Variants in PCDHGA5 observed in about 807,000 individuals in gnomAD.
PCDHGA5 encodes protocadherin gamma subfamily A, 5.
PCDHGA5 carries 36 observed loss-of-function variants against 56.7 expected under a neutral mutation model. The observed-to-expected ratio is 0.64, with a 90% CI of 0.49 to 0.84. The LOEUF (loss-of-function observed/expected upper bound fraction) is 0.84. Ranked by LOEUF, PCDHGA5 falls within the 40% of genes least tolerant of loss-of-function variation. The pLI is 0.00. For missense variants in PCDHGA5, 1,305 were observed against 1,201.5 expected (o/e 1.09, Z -1.27); for synonymous variants, 563 against 520.2 (o/e 1.08, Z -1.12).
In PCDHGA5 at chr5:141,491,722, C is replaced by T. The variant is rs1276921909; in HGVS notation, c.2422-3085C>T. ...CCAGGTGAGGGGCTCGGCGCCGCCC[C>T]GGGCGACCCCTGGGGGCGGCACTGG... On this transcript the variant is annotated intron_variant, in intron 1 of 3. Coordinates refer to ENST00000518069, the MANE Select transcript of PCDHGA5 (RefSeq NM_018918.3). This position sits in a 1 kb window ranked among gnomAD's most constrained non-coding sequence, Gnocchi z 6.9. The T allele has an allele frequency of 6.2e-7, 1 of 1,607,004 alleles. No homozygotes were observed.
intron 1 of PCDHGA5, among the ~76,000 whole-genome samples, chr5:141,445,787 T>C (rs2098477657): frequency 1.3e-5 from 2 of 152,182 alleles, no homozygotes; most frequent in South Asian, 4.1e-4. Context: ...CTAGGGAGGC[T>C]AGAAACAGAA....
intron 1 of PCDHGA5, chr5:141,420,099 C>G: frequency 2.5e-6 from 4 of 1,613,996 alleles, no homozygotes; most frequent in Non-Finnish European, 3.4e-6. Context: ...AGTGAGGGAA[C>G]GTTGCCCTAT....
At chr5:141,371,577 G>C (rs202142331) in intron 1 of PCDHGA5, 2 of 1,613,866 alleles carry the variant, frequency 1.2e-6, no homozygotes, top group Admixed American at 3.3e-5. Flanking sequence ...CTTTAAAATC[G>C]TTCAAGATAC....
At chr5:141,438,589 TAC>T (rs72335471) in intron 1 of PCDHGA5, among the ~76,000 whole-genome samples, 19,881 of 66,350 alleles carry the variant, frequency 0.3, 2,903 homozygotes, top group Admixed American at 0.41. Context: ...CATACATACA[TAC>T]ATATATATAT....
chr5:141,417,627 G>C, intron 1 of PCDHGA5: 1 of 694,264 alleles, frequency 1.4e-6, no homozygotes, highest in Non-Finnish European at 2.3e-6. Flanking sequence ...AGCAAGCGCT[G>C]ACGCCGGGGA....
In PCDHGA5 at chr5:141,430,950, T is replaced by A. The variant is rs756423770; in HGVS notation, c.2422-63857T>A. 7 of 1,609,862 alleles carry A rather than the reference T, an allele frequency of 4.3e-6. No individual in the cohort carries two copies. Among genetic ancestry groups the A allele is most frequent in the Non-Finnish European group, 5.1e-6 (6 of 1,178,368 alleles). On this transcript the variant is annotated intron_variant, in intron 1 of 3. Transcript: ENST00000518069. ...CCCCGGGAGCTCGCGGAGCGCGGAG[T>A]CCGCATCATCCCCAGAGGTAGGACG... is the stretch of plus-strand genomic sequence containing the variant.
rs578223384 is a variant in PCDHGA5 at position 141,400,070 on chromosome 5, C to T, written c.2421+33319C>T. Reference sequence around the variant, plus strand: ...GTTGCTGTGCGTGATGGTGGACAGCCGCCACTCTCCGCCACCGCCACGCTG... The same window carrying T: ...GTTGCTGTGCGTGATGGTGGACAGCTGCCACTCTCCGCCACCGCCACGCTG... On this transcript the variant is annotated intron_variant, in intron 1 of 3. Coordinates refer to ENST00000518069, the MANE Select transcript of PCDHGA5 (RefSeq NM_018918.3). 1.2e-6 allele frequency: 2 copies of T among 1,613,922 alleles called. No individual in the cohort carries two copies. Among genetic ancestry groups the T allele is most frequent in the African/African-American group, 1.3e-5 (1 of 75,062 alleles).
chr5:141,508,647 C>T (rs1301017914), intron 3 of PCDHGA5, among the ~76,000 whole-genome samples: 4 of 152,090 alleles, frequency 2.6e-5, no homozygotes, highest in African/African-American at 9.7e-5. Flanking sequence ...CTCCGTCAGG[C>T]CCTTCCTGTC....
rs370190281 is a variant in PCDHGA5, at chr5:141,401,943, A to G, written c.2421+35192A>G. Among the ~76,000 whole-genome samples the G allele has an allele frequency of 3.9e-5, 6 of 152,312 alleles. No homozygotes were observed. In the South Asian group the frequency reaches 1.0e-3, roughly 26 times the overall value. On this transcript the variant is annotated intron_variant, in intron 1 of 3. Coordinates refer to ENST00000518069, the MANE Select transcript of PCDHGA5 (RefSeq NM_018918.3). ...AGTGATGCTTAGAATAATGTTTAAG[A>G]CCACTTTAAAATTGCATAATTTATT...
rs756094875 is a variant in PCDHGA5 at position 141,419,594 on chromosome 5, C to T, written c.2421+52843C>T. 2.6e-5 allele frequency: 42 copies of T among 1,611,572 alleles called. No homozygotes were observed. Among genetic ancestry groups the T allele is most frequent in the Admixed American group, 3.3e-5 (2 of 59,964 alleles). ...CGGCTCCGCGCTCTTCGACACAGTG[C>T]CGCGGGCCGCGCAGCCAGGCTACCT... On this transcript the variant is annotated intron_variant, in intron 1 of 3. Transcript: ENST00000518069.
intron 1 of PCDHGA5, among the ~76,000 whole-genome samples, chr5:141,464,934 G>T (rs1353581045): frequency 1.3e-5 from 2 of 151,416 alleles, no homozygotes; most frequent in African/African-American, 4.8e-5. Flanking sequence ...GAGATGTGAG[G>T]TCTCACTATG....
At chr5:141,388,201 T>C (rs780011607) in intron 1 of PCDHGA5, 1 of 1,573,864 alleles carries the variant, frequency 6.4e-7, no homozygotes, top group Non-Finnish European at 8.7e-7. Context: ...GCTCTGGAAT[T>C]TGAGGCTGTT....
In PCDHGA5 at chr5:141,365,655, T is replaced by C. The variant is rs759352758; in HGVS notation, c.1325T>C (p.Val442Ala). The change falls in exon 1 of 4, where the codon GTA becomes GCA. Residue 442 changes from valine to alanine, a missense_variant. By Grantham distance (64) the Val-to-Ala change is moderately conservative. Coordinates refer to ENST00000518069, the MANE Select transcript of PCDHGA5 (RefSeq NM_018918.3). Reference protein sequence around the residue: ...LSTESHIPLKVADVNDNPPNF... With the variant: ...LSTESHIPLKAADVNDNPPNF... ...ACAGAAAGCCACATCCCCTTGAAAGTAGCAGACGTTAATGACAACCCACCC... is the reference window on the plus strand; with the variant it reads ...ACAGAAAGCCACATCCCCTTGAAAGCAGCAGACGTTAATGACAACCCACCC... 8.7e-6 allele frequency: 14 copies of C among 1,613,386 alleles called. No individual in the cohort carries two copies. Among genetic ancestry groups the C allele is most frequent in the African/African-American group, 4.0e-5 (3 of 74,886 alleles).
chr5:141,474,011 A>T (rs910186122), intron 1 of PCDHGA5, among the ~76,000 whole-genome samples: 2 of 152,112 alleles, frequency 1.3e-5, no homozygotes, highest in Non-Finnish European at 2.9e-5. Flanking sequence ...TGGAAGTTAC[A>T]GTGAGCTATG....
intron 1 of PCDHGA5, among the ~76,000 whole-genome samples, chr5:141,469,490 G>A (rs1346871954): frequency 3.3e-5 from 5 of 152,146 alleles, no homozygotes; most frequent in East Asian, 3.9e-4. Context: ...CAGGAGAATC[G>A]CTTGAACCCG....
intron 1 of PCDHGA5, chr5:141,398,657 GT>G: frequency 6.2e-7 from 1 of 1,614,018 alleles, no homozygotes; most frequent in South Asian, 1.1e-5. Context: ...CTTAACCCAA[GT>G]TTCTCATTAA....
chr5:141,472,095 C>T (rs1186697747), intron 1 of PCDHGA5, among the ~76,000 whole-genome samples: 1 of 151,998 alleles, frequency 6.6e-6, no homozygotes, highest in African/African-American at 2.4e-5. Flanking sequence ...TATTATTATT[C>T]CCATTTTATA....
At chr5:141,383,879 G>A (rs1196711965) in intron 1 of PCDHGA5, 2 of 1,613,862 alleles carry the variant, frequency 1.2e-6, no homozygotes, top group Non-Finnish European at 1.7e-6. Flanking sequence ...GGTCCTGGTA[G>A]TCTGACAAAG....
intron 1 of PCDHGA5, chr5:141,389,945 G>A (rs2150405694): frequency 1.9e-6 from 3 of 1,614,056 alleles, no homozygotes; most frequent in Middle Eastern, 1.6e-4. Context: ...CTGAGCTGCA[G>A]TTTTACCTAG....
Sources: gnomAD v4.1 joint callset for allele counts (sites outside exome capture counted in the v4.1 genomes callset) on GRCh38, gnomAD v4.1.1 for gene constraint, Gnocchi (gnomAD v3.1) non-coding constraint, MANE v1.5 for transcripts, NCBI Gene and HGNC (gene_info 2026-07-23, HGNC 2026-07-21) for gene names.